The following NLRP7 variants were observed in gnomAD, a reference collection of about 807,000 sequenced individuals.
The protein encoded by NLRP7 is NACHT, LRR and PYD domains-containing protein 7.
Under a neutral mutation model 85.5 loss-of-function variants are expected in NLRP7, and 72 were observed. The observed-to-expected ratio is 0.84, with a 90% confidence interval of 0.70 to 1.02. NLRP7 has a LOEUF of 1.02. NLRP7 is among the 50% of genes least tolerant of loss of function. NLRP7 has a pLI of 0.00. For missense variants in NLRP7, 1,243 were observed against 1,219.5 expected (o/e 1.02, Z -0.29); for synonymous variants, 550 against 505.2 (o/e 1.09, Z -1.19).
chr19:54,954,456 G>C (rs980999429), intron 1 of NLRP7, among the ~76,000 whole-genome samples: 1 of 135,270 alleles, frequency 7.4e-6, no homozygotes, highest in African/African-American at 3.1e-5. Context: ...CCTGAACCCA[G>C]GAGGCGGAGC....
At chr19:54,939,581 C>G (rs754654914) in exon 4 of NLRP7, 3 of 1,611,706 alleles carry the variant, frequency 1.9e-6, no homozygotes, top group Non-Finnish European at 2.5e-6. Context: ...GCTCAGCGTC[C>G]GCAGCGCGCC....
At chr19:54,935,818 T>C (rs1446764944) in intron 6 of NLRP7, among the ~76,000 whole-genome samples, 1 of 151,890 alleles carries the variant, frequency 6.6e-6, no homozygotes, top group Non-Finnish European at 1.5e-5. Context: ...AGTGCGAGGA[T>C]CATGCACTCC....
chr19:54,926,913 CTTTA>C (rs2068464639), intron 9 of NLRP7, among the ~76,000 whole-genome samples: 1 of 59,726 alleles, frequency 1.7e-5, no homozygotes, highest in Non-Finnish European at 3.0e-5. Context: ...GAGACTCTGT[CTTTA>C]AAAAAAAAAA....
chr19:54,938,873 GAA>G lies in NLRP7; in HGVS notation c.1931+13_1931+14del, dbSNP rs1290970717. 6.2e-7 allele frequency: 1 copy of G among 1,613,528 alleles called. No individual in the cohort carries two copies. The highest frequency in any genetic ancestry group is 8.5e-7 in the Non-Finnish European group (1 of 1,179,918). Reference sequence around the variant, plus strand: ...CTCTTCCTAGTGGAGCGTGGGATGGGAAAACAGTTCTTACCTTTCAAATTCAA... The same window carrying G: ...CTCTTCCTAGTGGAGCGTGGGATGGGAACAGTTCTTACCTTTCAAATTCAA... On this transcript the variant is annotated intron_variant, in intron 4 of 9. Coordinates refer to ENST00000340844, the Ensembl canonical transcript of NLRP7.
chr19:54,925,184 T>G (rs1056915406), intron 9 of NLRP7, among the ~76,000 whole-genome samples: 2 of 151,896 alleles, frequency 1.3e-5, no homozygotes, highest in African/African-American at 4.8e-5. Context: ...AACTGAGGAA[T>G]GAGAAAAGAA....
chr19:54,927,047 G>A (rs529076397), intron 9 of NLRP7, among the ~76,000 whole-genome samples: 152 of 149,530 alleles, frequency 1.0e-3, no homozygotes, highest in Non-Finnish European at 1.8e-3. Flanking sequence ...TCAAGATCGC[G>A]CCACTGCACT....
intron 5 of NLRP7, among the ~76,000 whole-genome samples, 163 bp downstream of exon 5, chr19:54,937,881 G>A (rs947989972): frequency 2.4e-4 from 25 of 105,630 alleles, no homozygotes; most frequent in African/African-American, 8.3e-4. Context: ...TGGGCAACAA[G>A]AGTAAATCTC....
Position 54,938,884 on chromosome 19 carries a change from T to C in NLRP7, c.1931+4A>G, listed in dbSNP as rs777331064. On this transcript the variant is annotated splice_donor_region_variant and intron_variant, in intron 4 of 9. Coordinates refer to ENST00000340844, the Ensembl canonical transcript of NLRP7. ...GGAGCGTGGGATGGGAAAACAGTTC[T>C]TACCTTTCAAATTCAATGTCCAGTT... The C allele has an allele frequency of 7.4e-6, 12 of 1,614,038 alleles. No individual in the cohort carries two copies. Among genetic ancestry groups the C allele is most frequent in the Non-Finnish European group, 1.0e-5 (12 of 1,180,010 alleles).
upstream of NLRP7, among the ~76,000 whole-genome samples, chr19:54,949,301 C>A (rs569826552): frequency 6.0e-4 from 90 of 150,876 alleles, 1 homozygote; most frequent in South Asian, 4.8e-3. Context: ...GATGGCCAGG[C>A]GCAGTGGTTC....
chr19:54,958,165 A>C (rs2069920497), intron 1 of NLRP7, among the ~76,000 whole-genome samples: 3 of 151,986 alleles, frequency 2.0e-5, no homozygotes, highest in South Asian at 4.1e-4. Flanking sequence ...GGCACTTGCT[A>C]TCTCCAGGAT....
intron 1 of NLRP7, among the ~76,000 whole-genome samples, chr19:54,964,551 G>T (rs1025443085): frequency 6.6e-6 from 1 of 151,162 alleles, no homozygotes; most frequent in Admixed American, 6.6e-5. Flanking sequence ...AGCCAGGCAC[G>T]GTGGCTCACG....
At chr19:54,947,416 T>G (rs1204674062) in intron 1 of NLRP7, 53 bp downstream of exon 1, 5 of 1,247,262 alleles carry the variant, frequency 4.0e-6, no homozygotes, top group African/African-American at 1.5e-5. Context: ...ACCAATAGCT[T>G]CTTCTCCCTT....
intron 6 of NLRP7, among the ~76,000 whole-genome samples, chr19:54,936,004 C>T (rs879581785): frequency 6.6e-6 from 1 of 152,106 alleles, no homozygotes; most frequent in Non-Finnish European, 1.5e-5. Flanking sequence ...AAGGTGCAGT[C>T]AGGAATAGCA....
At chr19:54,942,714 TCAAA>T (rs992956788) in intron 1 of NLRP7, among the ~76,000 whole-genome samples, 3 of 151,858 alleles carry the variant, frequency 2.0e-5, no homozygotes, top group East Asian at 1.9e-4. Context: ...AGACTCTGTC[TCAAA>T]CAAACAAAAA....
rs199475828 is a variant in NLRP7 at position 54,939,584 on chromosome 19, A to G, written c.1235T>C (p.Leu412Pro). ...CGCGGCCAGGAGGCTCAGCGTCCGCAGCGCGCCCCGCAGCTGTGCGCCCTG... is the reference window on the plus strand; with the variant it reads ...CGCGGCCAGGAGGCTCAGCGTCCGCGGCGCGCCCCGCAGCTGTGCGCCCTG... The change falls in exon 4 of 10, where the codon CTG (leucine) becomes CCG (proline). Residue 412 changes from leucine to proline, a missense_variant. Transcript: ENST00000340844. 1.7e-5 allele frequency: 27 copies of G among 1,611,406 alleles called. No homozygotes were observed. The highest frequency in any genetic ancestry group is 1.6e-4 in the South Asian group (15 of 90,912).
intron 9 of NLRP7, among the ~76,000 whole-genome samples, chr19:54,925,786 G>T (rs2068405546): frequency 6.6e-6 from 1 of 152,112 alleles, no homozygotes; most frequent in Non-Finnish European, 1.5e-5. Flanking sequence ...ATCACCTGAG[G>T]TCAGGAATTC....
At chr19:54,961,568 G>A (rs1280419887) in intron 1 of NLRP7, among the ~76,000 whole-genome samples, 2 of 151,748 alleles carry the variant, frequency 1.3e-5, no homozygotes, top group Admixed American at 6.6e-5. Context: ...TGGGCGTGGT[G>A]GTTCACACCT....
At chr19:54,923,708 C>T (rs770661077) in exon 10 of NLRP7, 2 of 1,611,730 alleles carry the variant, frequency 1.2e-6, no homozygotes, top group Non-Finnish European at 1.7e-6. Context: ...AATCCCGCTT[C>T]CTGTGTAATT....
At chr19:54,958,652 A>G (rs2069935094) in intron 1 of NLRP7, among the ~76,000 whole-genome samples, 1 of 149,836 alleles carries the variant, frequency 6.7e-6, no homozygotes, top group Admixed American at 6.7e-5. Flanking sequence ...CTCAAATAAT[A>G]ATAATAATAA....
Sources: allele counts gnomAD v4.1 joint callset (sites outside exome capture counted in the v4.1 genomes callset), GRCh38; gene constraint gnomAD v4.1.1; transcripts MANE v1.5; gene names NCBI Gene and HGNC (gene_info 2026-07-23, HGNC 2026-07-21).